The following ABCB9 variants were observed in gnomAD, a reference collection of about 807,000 sequenced individuals.
The protein encoded by ABCB9 is ATP binding cassette subfamily B member 9, also known as ABC-type oligopeptide transporter ABCB9.
ABCB9 carries 36 observed loss-of-function variants against 62.0 expected under a neutral mutation model. The ratio of observed to expected loss-of-function variants is 0.58; its 90% CI spans 0.45 to 0.77. ABCB9 has a LOEUF of 0.77. Ranked by LOEUF, ABCB9 falls within the 30% of genes least tolerant of loss-of-function variation. ABCB9 has a pLI of 0.00. For missense variants in ABCB9, 943 were observed against 1,054.7 expected (o/e 0.89, Z 1.47); for synonymous variants, 435 against 461.4 (o/e 0.94, Z 0.73).
chr12:122,925,474 C>T (rs913010361), downstream of ABCB9, among the ~76,000 whole-genome samples: 9 of 152,010 alleles, frequency 5.9e-5, no homozygotes, highest in Non-Finnish European at 1.0e-4. Flanking sequence ...TTGGGCCGGG[C>T]GCGGTGGCTC....
At chr12:122,949,133 A>G (rs2036216918) in intron 4 of ABCB9, 1 of 246,612 alleles carries the variant, frequency 4.1e-6, no homozygotes, top group African/African-American at 2.3e-5. Flanking sequence ...CTTCAAACCC[A>G]TGTCTCCTCC....
At chr12:122,923,103 C>G (rs1333033548) in intron 11 of ABCB9, among the ~76,000 whole-genome samples, 1 of 151,362 alleles carries the variant, frequency 6.6e-6, no homozygotes, top group African/African-American at 2.4e-5. Context: ...AGCCACAGTG[C>G]TCGGCATTTT....
In ABCB9 at chr12:122,964,646, C is replaced by T. The variant is rs1466679777; in HGVS notation, c.-88+1641G>A. ...TGCTTAGAGGCCTGTCACCGCTCTC[C>T]AACTGCCTGACTCAGAGGATGCGCT... On this transcript the variant is annotated intron_variant, in intron 1 of 11. Coordinates refer to ENST00000280560, the MANE Select transcript of ABCB9 (RefSeq NM_019625.4). This position sits in a 1 kb window ranked among gnomAD's most constrained non-coding sequence, Gnocchi z 4.7. Among the ~76,000 whole-genome samples, 1 of 152,234 alleles carries T rather than the reference C, an allele frequency of 6.6e-6. No homozygotes were observed. The highest frequency in any genetic ancestry group is 2.4e-5 in the African/African-American group (1 of 41,470).
rs915586036 is a variant in ABCB9, at chr12:122,947,974, C to T, written c.1053+650G>A. On this transcript the variant is annotated intron_variant, in intron 5 of 11. Coordinates refer to ENST00000280560, the MANE Select transcript of ABCB9 (RefSeq NM_019625.4). This position sits in a 1 kb window ranked among gnomAD's most constrained non-coding sequence, Gnocchi z 6.0. Reference sequence around the variant, plus strand: ...TTAGAGACAGGGTCTTGCTGTGTCACCCAGGCTAGAGTATAGTGGCACGAT... The same window carrying T: ...TTAGAGACAGGGTCTTGCTGTGTCATCCAGGCTAGAGTATAGTGGCACGAT... 6 of 153,278 alleles carry T rather than the reference C, an allele frequency of 3.9e-5. No individual in the cohort carries two copies. The highest frequency in any genetic ancestry group is 1.4e-4 in the African/African-American group (6 of 41,472). The allele number at this position is 153,278 out of a possible 1,614,324, so 9.5% of individuals were successfully genotyped here. A position where few individuals can be genotyped will look rare whatever the true frequency, so the allele number is the denominator to read the frequency against.
At chr12:122,973,101 A>G (rs1555280368) in intron 1 of ABCB9, 1 of 152,388 alleles carries the variant, frequency 6.6e-6, no homozygotes, top group Non-Finnish European at 1.5e-5. Flanking sequence ...TTGATTCAGT[A>G]CTTGCTGGTA....
Position 122,947,133 on chromosome 12 carries a change from C to T in ABCB9, c.1054-911G>A, listed in dbSNP as rs923152939. On this transcript the variant is annotated intron_variant, in intron 5 of 11. Transcript: ENST00000280560. The surrounding 1 kb of genome is among the most constrained non-coding windows in gnomAD (Gnocchi z 6.0). Reference sequence around the variant, plus strand: ...CTTCCTGAGGCCTCCCTTAGCTGAACTAAAAGGCAGGGCCTGCAGTGCACA... The same window carrying T: ...CTTCCTGAGGCCTCCCTTAGCTGAATTAAAAGGCAGGGCCTGCAGTGCACA... Among the ~76,000 whole-genome samples, 1 of 152,160 alleles carries T rather than the reference C, an allele frequency of 6.6e-6. No homozygotes were observed. The highest frequency in any genetic ancestry group is 2.4e-5 in the African/African-American group (1 of 41,432).
Position 122,948,836 on chromosome 12 carries a change from C to T in ABCB9, c.848-7G>A. 6.5e-7 allele frequency: 1 copy of T among 1,544,974 alleles called. No individual in the cohort carries two copies. The highest frequency in any genetic ancestry group is 1.4e-5 in the African/African-American group (1 of 72,474). ...AGGCGGGAGATGAGGTCCCCTGGAA[C>T]ACACGCGGCTCAGCTCTCACCACAG... On this transcript the variant is annotated splice_polypyrimidine_tract_variant and splice_region_variant and intron_variant, in intron 4 of 11. Transcript: ENST00000280560.
At chr12:122,955,338 G>A (rs551633721) in intron 2 of ABCB9, among the ~76,000 whole-genome samples, 1 of 152,312 alleles carries the variant, frequency 6.6e-6, no homozygotes, top group African/African-American at 2.4e-5. Context: ...TGCATTCCCC[G>A]ACCACACAGC....
At chr12:122,927,521 C>T (rs2034940324), downstream of ABCB9, among the ~76,000 whole-genome samples, 1 of 152,154 alleles carries the variant, frequency 6.6e-6, no homozygotes, top group Admixed American at 6.5e-5. Context: ...GAAGGTAATT[C>T]GGTCTCTGGA....
chr12:122,922,442 C>T (rs1464362463), intron 11 of ABCB9, among the ~76,000 whole-genome samples: 1 of 152,024 alleles, frequency 6.6e-6, no homozygotes, highest in African/African-American at 2.4e-5. Context: ...TGCAGTGGCA[C>T]GATCTTAGCT....
intron 1 of ABCB9, among the ~76,000 whole-genome samples, chr12:122,960,898 C>A (rs2036859148): frequency 6.6e-6 from 1 of 151,682 alleles, no homozygotes; most frequent in African/African-American, 2.4e-5. Context: ...AACAAACAAA[C>A]AAACAAACAA....
upstream of ABCB9, among the ~76,000 whole-genome samples, chr12:122,969,176 C>A (rs1350918820): frequency 5.0e-4 from 2 of 3,978 alleles, no homozygotes; most frequent in African/African-American, 1.6e-3. Context: ...TCCTTTCCAC[C>A]CCCCCCCCCC....
chr12:122,923,315 T>C (rs2034796604), intron 11 of ABCB9, among the ~76,000 whole-genome samples: 2 of 152,124 alleles, frequency 1.3e-5, no homozygotes, highest in Admixed American at 6.6e-5. Context: ...TGAGACGGAG[T>C]CTCGCTCTGT....
downstream of ABCB9, chr12:122,924,757 T>C (rs2034844378): frequency 6.5e-7 from 1 of 1,534,188 alleles, no homozygotes; most frequent in African/African-American, 1.4e-5. Flanking sequence ...TGGCCAACTG[T>C]GCTGTTCCCA....
intron 11 of ABCB9, among the ~76,000 whole-genome samples, chr12:122,922,398 G>C (rs1371492663): frequency 6.6e-6 from 1 of 151,846 alleles, no homozygotes; most frequent in Non-Finnish European, 1.5e-5. Context: ...TCATTGTTTT[G>C]AGATGGAGTC....
chr12:122,943,993 C>T (rs913920689), intron 7 of ABCB9, among the ~76,000 whole-genome samples: 3 of 152,154 alleles, frequency 2.0e-5, no homozygotes, highest in African/African-American at 7.2e-5. Context: ...GGCTGGAGTA[C>T]AGTGGTGCGA....
downstream of ABCB9, among the ~76,000 whole-genome samples, chr12:122,920,470 T>G (rs1311615260): frequency 6.6e-6 from 1 of 152,192 alleles, no homozygotes; most frequent in Non-Finnish European, 1.5e-5. Flanking sequence ...TGGTCAGGGT[T>G]CGGGCTGCCT....
intron 2 of ABCB9, among the ~76,000 whole-genome samples, chr12:122,954,383 T>G (rs1026239672): frequency 3.3e-5 from 5 of 151,926 alleles, no homozygotes; most frequent in Non-Finnish European, 4.4e-5. Flanking sequence ...TAATTTTGTA[T>G]TTTTAGTAGA....
chr12:122,932,113 A>C lies in ABCB9; in HGVS notation c.2040+79T>G. 1 of 1,546,266 alleles carries C rather than the reference A, an allele frequency of 6.5e-7. No individual in the cohort carries two copies. Among genetic ancestry groups the C allele is most frequent in the Non-Finnish European group, 8.7e-7 (1 of 1,144,824 alleles). ...CTCCTGGGGCCCGTCTCTTCTCAGCATCCATCTGCTGGGCGATGGGGGCTC... is the reference window on the plus strand; with the variant it reads ...CTCCTGGGGCCCGTCTCTTCTCAGCCTCCATCTGCTGGGCGATGGGGGCTC... On this transcript the variant is annotated intron_variant, in intron 11 of 11. Coordinates refer to ENST00000280560, the MANE Select transcript of ABCB9 (RefSeq NM_019625.4). This position sits in a 1 kb window ranked among gnomAD's most constrained non-coding sequence, Gnocchi z 4.7.
Sources: allele counts gnomAD v4.1 joint callset (sites outside exome capture counted in the v4.1 genomes callset), GRCh38; gene constraint gnomAD v4.1.1; non-coding constraint Gnocchi (gnomAD v3.1); transcripts MANE v1.5; gene names NCBI Gene and HGNC (gene_info 2026-07-23, HGNC 2026-07-21).